Variants in SNAP91 observed in about 807,000 individuals in gnomAD.
SNAP91 encodes the protein clathrin coat assembly protein AP180.
A neutral mutation model predicts 100.3 loss-of-function variants in SNAP91; 27 were observed. That is an observed-to-expected ratio of 0.27 (90% CI 0.20 to 0.37). SNAP91 has a LOEUF of 0.37. SNAP91 is among the 10% of genes least tolerant of loss of function. The probability of loss-of-function intolerance (pLI) is 1.00; values close to 1 mark genes in which losing one functional copy is unlikely to be tolerated. For missense variants in SNAP91, 986 were observed against 1,123.7 expected (o/e 0.88, Z 1.75); for synonymous variants, 404 against 398.6 (o/e 1.01, Z -0.16).
chr6:83,708,268 C>T (rs1040502554), intron 1 of SNAP91: 2 of 254,622 alleles, frequency 7.9e-6, no homozygotes, highest in Non-Finnish European at 1.5e-5. Context: ...TCAATCAGCA[C>T]TTTCCCCGCA....
chr6:83,646,555 G>C (rs1585410107), intron 7 of SNAP91, among the ~76,000 whole-genome samples: 1 of 152,238 alleles, frequency 6.6e-6, no homozygotes, highest in East Asian at 1.9e-4. Flanking sequence ...CTGTTCCACT[G>C]ATCTATTTGT....
chr6:83,609,133 G>A (rs532959732), intron 12 of SNAP91, among the ~76,000 whole-genome samples: 8 of 151,946 alleles, frequency 5.3e-5, no homozygotes, highest in Non-Finnish European at 1.0e-4. Context: ...AAACTCTACA[G>A]AAGCCCATTA....
chr6:83,559,941 C>T (rs115562514), intron 28 of SNAP91, among the ~76,000 whole-genome samples, 163 bp downstream of exon 28: 26 of 152,250 alleles, frequency 1.7e-4, no homozygotes, highest in African/African-American at 5.3e-4. Flanking sequence ...TTTTTCCCCC[C>T]CAAATCTCAC....
At position 83,690,238 on chromosome 6, in the gene SNAP91, G is replaced by A. The variant is rs546447716; in HGVS notation, c.130+17560C>T. 4 of 1,098,030 alleles carry A rather than the reference G, an allele frequency of 3.6e-6. No homozygotes were observed. In the South Asian group the frequency reaches 8.2e-5, roughly 22 times the overall value. The allele number at this position is 1,098,030 out of a possible 1,614,324, so 68.0% of individuals were successfully genotyped here. ...GAATACTTACTAATACTACTATGATGAACAAATCTCTTCTTGAGAAATAAA... is the reference window on the plus strand; with the variant it reads ...GAATACTTACTAATACTACTATGATAAACAAATCTCTTCTTGAGAAATAAA... On this transcript the variant is annotated intron_variant, in intron 2 of 29. Coordinates refer to ENST00000369694, the MANE Select transcript of SNAP91 (RefSeq NM_001242792.2).
At chr6:83,667,408 T>C (rs1157498992) in intron 2 of SNAP91, among the ~76,000 whole-genome samples, 1 of 152,052 alleles carries the variant, frequency 6.6e-6, no homozygotes, top group Admixed American at 6.6e-5. Context: ...GCAAACAGGT[T>C]GATTACAGAA....
chr6:83,580,606 A>G lies in SNAP91; in HGVS notation c.2150-7T>C, dbSNP rs376434753. 87 of 1,598,888 alleles carry G rather than the reference A, an allele frequency of 5.4e-5. No individual in the cohort carries two copies. The highest frequency in any genetic ancestry group is 6.6e-5 in the Non-Finnish European group (78 of 1,175,316). On this transcript the variant is annotated splice_region_variant and splice_polypyrimidine_tract_variant and intron_variant, in intron 23 of 29. Coordinates refer to ENST00000369694, the MANE Select transcript of SNAP91 (RefSeq NM_001242792.2). The stretch of plus-strand genomic sequence containing the variant: ...TCACCTAGACCATCAAACACTGGAA[A>G]TCAAATAGACTAGGTTCAGAATAAT...
chr6:83,645,728 G>A (rs1282166209), intron 7 of SNAP91, among the ~76,000 whole-genome samples: 9 of 152,110 alleles, frequency 5.9e-5, no homozygotes, highest in African/African-American at 2.2e-4. Flanking sequence ...GTGCGTGTCT[G>A]TAATCCCAGC....
intron 2 of SNAP91, among the ~76,000 whole-genome samples, chr6:83,692,906 T>G (rs896978160): frequency 1.3e-5 from 2 of 152,164 alleles, no homozygotes; most frequent in Non-Finnish European, 2.9e-5. Flanking sequence ...ACCCCATTTT[T>G]CCTTCCCAAA....
chr6:83,663,873 C>T (rs562861518), intron 3 of SNAP91, among the ~76,000 whole-genome samples: 27 of 152,220 alleles, frequency 1.8e-4, no homozygotes, highest in Non-Finnish European at 1.3e-4. Flanking sequence ...GACTTCAAAA[C>T]TTCAAAGGAC....
intron 2 of SNAP91, among the ~76,000 whole-genome samples, chr6:83,702,134 G>T (rs217285): frequency 0.087 from 13,272 of 152,168 alleles, 728 homozygotes; most frequent in Non-Finnish European, 0.13. Flanking sequence ...TAAAAGAAAT[G>T]AAACTAAGGA....
At chr6:83,665,794 T>A (rs1394449502) in intron 2 of SNAP91, among the ~76,000 whole-genome samples, 2 of 152,122 alleles carry the variant, frequency 1.3e-5, no homozygotes, top group African/African-American at 4.8e-5. Context: ...TTCTTGAGTA[T>A]ATTTTGCTAC....
intron 9 of SNAP91, among the ~76,000 whole-genome samples, chr6:83,619,555 TG>T (rs1584196329): frequency 6.6e-6 from 1 of 152,176 alleles, no homozygotes; most frequent in East Asian, 1.9e-4. Flanking sequence ...ACCAATCAGA[TG>T]GGAACACCAA....
At chr6:83,576,087 C>T (rs1195386321) in intron 24 of SNAP91, 34 bp from the exon 25 acceptor site, 3 of 1,100,504 alleles carry the variant, frequency 2.7e-6, no homozygotes, top group Non-Finnish European at 3.9e-6. Flanking sequence ...GAATGTAAAT[C>T]TCTACACTCA....
intron 28 of SNAP91, among the ~76,000 whole-genome samples, chr6:83,558,828 A>G (rs1305898733): frequency 6.6e-6 from 1 of 152,194 alleles, no homozygotes; most frequent in Non-Finnish European, 1.5e-5. Context: ...CATCCAAGTC[A>G]ATTTCTCATG....
intron 2 of SNAP91, among the ~76,000 whole-genome samples, chr6:83,703,858 T>G (rs1252638012): frequency 2.6e-5 from 4 of 152,206 alleles, no homozygotes; most frequent in African/African-American, 9.6e-5. Flanking sequence ...CAGTAATGTC[T>G]AGGTTTGAAT....
chr6:83,699,222 A>C (rs2099261227), intron 2 of SNAP91, among the ~76,000 whole-genome samples: 1 of 152,196 alleles, frequency 6.6e-6, no homozygotes, highest in Admixed American at 6.5e-5. Context: ...CATCAGGCAA[A>C]AACAATAGAA....
chr6:83,591,961 C>T (rs908569962), intron 21 of SNAP91, among the ~76,000 whole-genome samples: 1 of 152,214 alleles, frequency 6.6e-6, no homozygotes, highest in South Asian at 2.1e-4. Flanking sequence ...TTTTCCAATC[C>T]TTCTAACTCT....
chr6:83,674,563 T>A (rs1256889863), intron 2 of SNAP91, among the ~76,000 whole-genome samples: 5 of 152,180 alleles, frequency 3.3e-5, no homozygotes, highest in African/African-American at 1.2e-4. Context: ...ACCAGACCTA[T>A]GGCCTCTCAA....
intron 2 of SNAP91, among the ~76,000 whole-genome samples, chr6:83,700,793 T>C (rs2099285997): frequency 6.6e-6 from 1 of 152,070 alleles, no homozygotes; most frequent in South Asian, 2.1e-4. Flanking sequence ...AGATGGAGTC[T>C]CCCTATGTTG....
Sources: allele counts gnomAD v4.1 joint callset (sites outside exome capture counted in the v4.1 genomes callset), GRCh38; gene constraint gnomAD v4.1.1; transcripts MANE v1.5; gene names NCBI Gene and HGNC (gene_info 2026-07-23, HGNC 2026-07-21).